Variants in CAND2 observed in about 807,000 individuals in gnomAD.
CAND2 encodes cullin-associated NEDD8-dissociated protein 2.
A neutral mutation model predicts 98.9 loss-of-function variants in CAND2; 62 were observed. That is an observed-to-expected ratio of 0.63 (90% CI 0.51 to 0.77). CAND2 has a LOEUF of 0.77. Ranked by LOEUF, CAND2 falls within the 30% of genes least tolerant of loss-of-function variation. The probability of loss-of-function intolerance (pLI) is 0.00; values close to 1 mark genes in which losing one functional copy is unlikely to be tolerated. For synonymous variants in CAND2, 770 were observed against 731.9 expected, an observed-to-expected ratio of 1.05 and a Z score of -0.84; for missense variants, 1,501 against 1,655.2, an observed-to-expected ratio of 0.91 and a Z score of 1.62.
intron 11 of CAND2, among the ~76,000 whole-genome samples, chr3:12,822,106 T>A (rs1446469896): frequency 6.6e-6 from 1 of 152,192 alleles, no homozygotes; most frequent in Non-Finnish European, 1.5e-5. Flanking sequence ...CTTTCCATAG[T>A]TACAAGTTTG....
intron 5 of CAND2, among the ~76,000 whole-genome samples, chr3:12,811,593 A>G (rs1243812961): frequency 6.6e-6 from 1 of 152,100 alleles, no homozygotes; most frequent in African/African-American, 2.4e-5. Context: ...TTTTTTTGAG[A>G]CGGAGTCTCG....
chr3:12,802,124 A>G (rs1347583948), intron 1 of CAND2, among the ~76,000 whole-genome samples: 6 of 152,192 alleles, frequency 3.9e-5, no homozygotes, highest in South Asian at 4.1e-4. Flanking sequence ...TCAGGAGATC[A>G]AGACCATCCT....
chr3:12,802,171 C>A (rs1180905449), intron 1 of CAND2, among the ~76,000 whole-genome samples: 1 of 152,132 alleles, frequency 6.6e-6, no homozygotes, highest in African/African-American at 2.4e-5. Flanking sequence ...ACTAAAAATA[C>A]AAAAAATTAG....
Position 12,816,929 on chromosome 3 carries a change from G to T in CAND2, c.1997G>T (p.Arg666Leu), listed in dbSNP as rs200382977. The change falls in exon 10 of 15, where the codon CGG becomes CTG. Residue 666 changes from arginine to leucine, a missense_variant. Arg to Leu is a moderately radical substitution (Grantham distance 102). Around this residue, in one of 3 missense-constraint regions of CAND2, gnomAD observed 1,427 missense variants for 1,545.3 expected, o/e 0.92. Coordinates refer to ENST00000456430, the MANE Select transcript of CAND2 (RefSeq NM_001162499.2). ...ILASFLRKNQ[R>L]ALRLATLAAL... ...GCCTCATTCCTGCGGAAGAACCAGC[G>T]GGCTTTGCGACTGGCCACACTGGCA... 1 of 1,613,552 alleles carries T rather than the reference G, an allele frequency of 6.2e-7. No individual in the cohort carries two copies. Among genetic ancestry groups the T allele is most frequent in the African/African-American group, 1.3e-5 (1 of 74,942 alleles).
rs2061868971 is a variant in CAND2 at position 12,813,244 on chromosome 3, A to T, written c.864-2A>T. 6.2e-7 allele frequency: 1 copy of T among 1,612,818 alleles called. No homozygotes were observed. Among genetic ancestry groups the T allele is most frequent in the Non-Finnish European group, 8.5e-7 (1 of 1,179,666 alleles). On this transcript the variant is annotated splice_acceptor_variant, in intron 6 of 14. Coordinates refer to ENST00000456430, the MANE Select transcript of CAND2 (RefSeq NM_001162499.2). LOFTEE classifies it high-confidence loss of function. ...CAAAGCATTCCTCATCCTGCCCCAC[A>T]GGTGCCCCAAGGAAATGGGTCCTCA...
At position 12,817,166 on chromosome 3, in the gene CAND2, G is replaced by T. The variant is rs755177838; in HGVS notation, c.2234G>T (p.Arg745Leu). 1 of 1,612,824 alleles carries T rather than the reference G, an allele frequency of 6.2e-7. No homozygotes were observed. The highest frequency in any genetic ancestry group is 8.5e-7 in the Non-Finnish European group (1 of 1,179,980). The change falls in exon 10 of 15, where the codon CGT becomes CTT. Residue 745 changes from arginine to leucine, a missense_variant. Physicochemically the swap from Arg to Leu is moderately radical, Grantham distance 102. Transcript: ENST00000456430. Reference sequence around the variant, plus strand: ...CTCTCAGAGCTGCTGCGGCTGCTGCGTTCGCCCCTGTTGCCAGCCGGGGTT... The same window carrying T: ...CTCTCAGAGCTGCTGCGGCTGCTGCTTTCGCCCCTGTTGCCAGCCGGGGTT... ...PVLSELLRLLRSPLLPAGVLA... is the reference protein window; with the variant it reads ...PVLSELLRLLLSPLLPAGVLA...
chr3:12,798,610 G>A (rs534167544), intron 1 of CAND2, among the ~76,000 whole-genome samples: 9 of 152,286 alleles, frequency 5.9e-5, no homozygotes, highest in African/African-American at 1.9e-4. Context: ...CAAGGTCACA[G>A]AGCTGGCTAG....
At chr3:12,797,794 T>G (rs1317207117) in intron 1 of CAND2, among the ~76,000 whole-genome samples, 1 of 152,150 alleles carries the variant, frequency 6.6e-6, no homozygotes, top group Non-Finnish European at 1.5e-5. Flanking sequence ...GTGGGAGACT[T>G]AGTCCAAATC....
chr3:12,797,076 C>T (rs1457934036), intron 1 of CAND2, among the ~76,000 whole-genome samples: 1 of 151,786 alleles, frequency 6.6e-6, no homozygotes, highest in Non-Finnish European at 1.5e-5. Flanking sequence ...CCGATCAGAG[C>T]CCCGGCTCCA....
rs199720424 is a variant in CAND2, at chr3:12,817,592, G to A, written c.2660G>A (p.Arg887His). 5.9e-5 allele frequency: 95 copies of A among 1,613,740 alleles called. No individual in the cohort carries two copies. Among genetic ancestry groups the A allele is most frequent in the African/African-American group, 4.3e-4 (32 of 74,958 alleles). Residue 887 changes from arginine to histidine, a missense_variant, in exon 10 of 15, where the codon CGT (arginine) becomes CAT (histidine). Arg to His is a conservative substitution (Grantham distance 29). This residue lies in a region of CAND2 where 1,427 missense variants were observed against 1,545.3 expected (regional missense o/e 0.92). Coordinates refer to ENST00000456430, the MANE Select transcript of CAND2 (RefSeq NM_001162499.2). ...GCTGCAGCCTCGTATGCACTGGGCC[G>A]TGTGGGTGCTGGCAGCCTGCCCGAC... is the stretch of plus-strand genomic sequence containing the variant. ...VRAAASYALG[R>H]VGAGSLPDFL...
chr3:12,798,273 G>C (rs2061741492), intron 1 of CAND2, among the ~76,000 whole-genome samples: 1 of 151,744 alleles, frequency 6.6e-6, no homozygotes, highest in Admixed American at 6.6e-5. Context: ...GCTCTCCCTT[G>C]ACCTCCTCCC....
intron 1 of CAND2, among the ~76,000 whole-genome samples, chr3:12,802,060 G>A (rs1485239692): frequency 3.9e-5 from 6 of 152,214 alleles, no homozygotes; most frequent in Non-Finnish European, 8.8e-5. Flanking sequence ...GGGCGCGGTG[G>A]CTCACGCCTG....
chr3:12,818,868 TACATC>T (rs1233118204), intron 10 of CAND2, among the ~76,000 whole-genome samples: 1 of 152,218 alleles, frequency 6.6e-6, no homozygotes, highest in African/African-American at 2.4e-5. Context: ...CACTGTCTAT[TACATC>T]ACACAACCTT....
intron 7 of CAND2, among the ~76,000 whole-genome samples, chr3:12,814,108 G>A (rs2061876972): frequency 6.6e-6 from 1 of 152,246 alleles, no homozygotes; most frequent in African/African-American, 2.4e-5. Context: ...AAGGATGTGT[G>A]TTCGTGGGTG....
chr3:12,809,859 C>G (rs569457267), intron 4 of CAND2, 200 bp from the exon 5 acceptor site: 8 of 607,356 alleles, frequency 1.3e-5, no homozygotes, highest in Admixed American at 4.1e-5. Flanking sequence ...TGAGAAGTCC[C>G]TTTCTCTCTC....
chr3:12,813,187 C>T (rs989284863), intron 6 of CAND2, 59 bp from the exon 7 acceptor site: 2 of 1,600,140 alleles, frequency 1.2e-6, no homozygotes, highest in African/African-American at 1.3e-5. Flanking sequence ...CCATTGGGCC[C>T]TGTCCCCCAC....
rs1403212883 is a variant in CAND2, at chr3:12,812,390, A to T, written c.758-600A>T. Among the ~76,000 whole-genome samples the T allele has an allele frequency of 2.1e-3, 139 of 66,754 alleles. 2 individuals carry two copies. Among genetic ancestry groups the T allele is most frequent in the African/African-American group, 9.4e-3 (131 of 13,864 alleles). 43.8% of individuals were successfully genotyped at this position (66,754 alleles called of 152,430 possible). The stretch of plus-strand genomic sequence containing the variant: ...AGGTGTGTGCCACCGTGCCCGGCTA[A>T]TTTTTTTTTTTTTTTTTTTTTTTTT... On this transcript the variant is annotated intron_variant, in intron 5 of 14. Coordinates refer to ENST00000456430, the MANE Select transcript of CAND2 (RefSeq NM_001162499.2).
chr3:12,803,675 G>T, intron 2 of CAND2, 44 bp downstream of exon 2: 7 of 1,528,052 alleles, frequency 4.6e-6, no homozygotes, highest in Non-Finnish European at 6.2e-6. Flanking sequence ...GCCCTACCTT[G>T]TGTGGGAGCA....
In CAND2 at chr3:12,817,625, C is replaced by T. The variant is rs984578889; in HGVS notation, c.2693C>T (p.Pro898Leu). Reference sequence around the variant, plus strand: ...GCTGGCAGCCTGCCCGACTTCCTGCCCTTCCTGCTGGAGCAGATCGAGGCT... The same window carrying T: ...GCTGGCAGCCTGCCCGACTTCCTGCTCTTCCTGCTGGAGCAGATCGAGGCT... ...VGAGSLPDFL[P>L]FLLEQIEAEP... The change falls in exon 10 of 15, where the codon CCC becomes CTC. Residue 898 changes from proline (P) to leucine (L), a missense_variant. Transcript: ENST00000456430. 5.0e-6 allele frequency: 8 copies of T among 1,613,530 alleles called. No homozygotes were observed. The African/African-American group carries it at 1.1e-4, about 22-fold the overall frequency.
Sources: allele counts gnomAD v4.1 joint callset (sites outside exome capture counted in the v4.1 genomes callset), GRCh38; gene constraint gnomAD v4.1.1; regional missense constraint gnomAD v4.1.1; transcripts MANE v1.5; gene names NCBI Gene and HGNC (gene_info 2026-07-23, HGNC 2026-07-21).